The following NEGR1 variants were observed in gnomAD, a reference collection of about 807,000 sequenced individuals.
The protein encoded by NEGR1 is neuronal growth regulator 1, also known as IgLON family member 4.
NEGR1 carries 10 observed loss-of-function variants against 40.9 expected under a neutral mutation model. That is an observed-to-expected ratio of 0.24 (90% CI 0.15 to 0.42). NEGR1 has a LOEUF of 0.42. NEGR1 is among the 10% of genes least tolerant of loss of function. The probability of loss-of-function intolerance (pLI) is 1.00; values close to 1 mark genes in which losing one functional copy is unlikely to be tolerated. For missense variants in NEGR1, 352 were observed against 438.9 expected (o/e 0.80, Z 1.77); for synonymous variants, 185 against 166.8 (o/e 1.11, Z -0.84).
intron 1 of NEGR1, among the ~76,000 whole-genome samples, chr1:71,990,381 A>G (rs190456766): frequency 2.0e-5 from 3 of 152,286 alleles, no homozygotes; most frequent in Admixed American, 1.3e-4. Context: ...ATTTTTATTC[A>G]AAGACTTTTG....
At chr1:71,520,699 T>C (rs938488523) in intron 6 of NEGR1, among the ~76,000 whole-genome samples, 1 of 151,990 alleles carries the variant, frequency 6.6e-6, no homozygotes, top group Non-Finnish European at 1.5e-5. Flanking sequence ...TCCTGTGCAC[T>C]ACCCTACTGT....
chr1:71,775,163 G>A (rs1570329337), intron 3 of NEGR1, among the ~76,000 whole-genome samples: 2 of 152,214 alleles, frequency 1.3e-5, no homozygotes, highest in East Asian at 3.9e-4. Flanking sequence ...CTATCAACGT[G>A]TGAATGCTGA....
At chr1:72,115,642 G>A (rs1007149746) in intron 1 of NEGR1, among the ~76,000 whole-genome samples, 1 of 151,668 alleles carries the variant, frequency 6.6e-6, no homozygotes, top group African/African-American at 2.4e-5. Context: ...TGGAAAAGTG[G>A]GGAAAGGTCG....
chr1:71,504,101 T>C (rs896047595), intron 6 of NEGR1, among the ~76,000 whole-genome samples: 2 of 146,344 alleles, frequency 1.4e-5, no homozygotes, highest in African/African-American at 5.1e-5. Flanking sequence ...GCTCAGAAAT[T>C]AGATAAAAAA....
intron 2 of NEGR1, among the ~76,000 whole-genome samples, chr1:71,926,608 G>A (rs1255287874): frequency 1.3e-5 from 2 of 149,284 alleles, no homozygotes; most frequent in African/African-American, 4.9e-5. Flanking sequence ...AAAAAGAGAT[G>A]ACTCAGATGG....
intron 2 of NEGR1, 25 bp downstream of exon 2, chr1:71,935,054 A>G (rs773348602): frequency 2.2e-6 from 3 of 1,338,230 alleles, no homozygotes; most frequent in Admixed American, 1.7e-5. Context: ...GTCTTTCACA[A>G]TATAGCAGTT....
chr1:71,495,823 T>C (rs1375510057), intron 6 of NEGR1, among the ~76,000 whole-genome samples: 1 of 152,178 alleles, frequency 6.6e-6, no homozygotes, highest in African/African-American at 2.4e-5. Context: ...ATCATTTTCC[T>C]AAGGAACCAC....
At chr1:71,737,599 T>C (rs1024018266) in intron 3 of NEGR1, among the ~76,000 whole-genome samples, 3 of 152,182 alleles carry the variant, frequency 2.0e-5, no homozygotes, top group African/African-American at 7.2e-5. Flanking sequence ...TTTTATTTTA[T>C]TTTGATTTAC....
chr1:71,557,489 A>T (rs1272062004), intron 6 of NEGR1, among the ~76,000 whole-genome samples: 1 of 151,652 alleles, frequency 6.6e-6, no homozygotes, highest in Non-Finnish European at 1.5e-5. Flanking sequence ...AAGTATTGAT[A>T]AAACATTTCT....
At chr1:71,920,064 A>C (rs1213618837) in intron 2 of NEGR1, among the ~76,000 whole-genome samples, 1 of 152,098 alleles carries the variant, frequency 6.6e-6, no homozygotes, top group South Asian at 2.1e-4. Context: ...ATAGCCTCCT[A>C]CAACTGCTCC....
At chr1:71,814,872 T>C (rs942337749) in intron 2 of NEGR1, among the ~76,000 whole-genome samples, 4 of 152,074 alleles carry the variant, frequency 2.6e-5, no homozygotes, top group Non-Finnish European at 5.9e-5. Flanking sequence ...CTGGCTTCAT[T>C]GATTTTTGAA....
chr1:72,047,661 A>T (rs2100468585), intron 1 of NEGR1, among the ~76,000 whole-genome samples: 1 of 151,474 alleles, frequency 6.6e-6, no homozygotes, highest in Non-Finnish European at 1.5e-5. Context: ...TTCAATTCAC[A>T]AGAAATACTC....
At chr1:72,032,879 T>C (rs1229529780) in intron 1 of NEGR1, among the ~76,000 whole-genome samples, 1 of 152,126 alleles carries the variant, frequency 6.6e-6, no homozygotes, top group East Asian at 1.9e-4. Context: ...GGAATAATGA[T>C]AGAGCCTATC....
intron 1 of NEGR1, among the ~76,000 whole-genome samples, chr1:72,220,197 A>G (rs956211290): frequency 7.4e-6 from 1 of 134,506 alleles, no homozygotes; most frequent in Non-Finnish European, 1.7e-5. Flanking sequence ...TAATTTTGTG[A>G]AAAATAATTT....
At chr1:72,010,449 ACTCT>A (rs1246346456) in intron 1 of NEGR1, among the ~76,000 whole-genome samples, 4 of 152,118 alleles carry the variant, frequency 2.6e-5, no homozygotes, top group African/African-American at 9.6e-5. Flanking sequence ...ACAAAGTCAT[ACTCT>A]CTCTTTTTCC....
chr1:71,491,594 T>A (rs1161342134), intron 6 of NEGR1, among the ~76,000 whole-genome samples: 1 of 149,440 alleles, frequency 6.7e-6, no homozygotes, highest in Non-Finnish European at 1.5e-5. Context: ...TTTTTTTAAA[T>A]GAAAATATGA....
intron 1 of NEGR1, among the ~76,000 whole-genome samples, chr1:72,202,733 C>T (rs1238838962): frequency 6.6e-6 from 1 of 151,954 alleles, no homozygotes; most frequent in Non-Finnish European, 1.5e-5. Context: ...AAGTCAATGC[C>T]AGGCAACAAA....
intron 1 of NEGR1, among the ~76,000 whole-genome samples, chr1:71,947,448 G>A (rs1646031667): frequency 6.6e-6 from 1 of 151,832 alleles, no homozygotes; most frequent in Admixed American, 6.6e-5. Flanking sequence ...TTGATGAGAG[G>A]GATACAACAA....
chr1:71,748,940 A>C (rs982486405), intron 3 of NEGR1, among the ~76,000 whole-genome samples: 1 of 152,160 alleles, frequency 6.6e-6, no homozygotes, highest in African/African-American at 2.4e-5. Flanking sequence ...CATTTCCACA[A>C]GGAGAATGAA....
Sources: allele counts gnomAD v4.1 joint callset (sites outside exome capture counted in the v4.1 genomes callset), GRCh38; gene constraint gnomAD v4.1.1; transcripts MANE v1.5; gene names NCBI Gene and HGNC (gene_info 2026-07-23, HGNC 2026-07-21).